SIPA1L1: variants seen among roughly 807,000 people sequenced by gnomAD.
SIPA1L1 encodes the protein signal-induced proliferation-associated 1-like protein 1.
A neutral mutation model predicts 162.7 loss-of-function variants in SIPA1L1; 26 were observed. The ratio of observed to expected loss-of-function variants is 0.16; its 90% CI spans 0.12 to 0.22. The LOEUF is 0.22. Ranked by LOEUF, SIPA1L1 falls within the 10% of genes least tolerant of loss-of-function variation. SIPA1L1 has a pLI of 1.00. For synonymous variants in SIPA1L1, 829 were observed against 837.4 expected, an observed-to-expected ratio of 0.99 and a Z score of 0.17; for missense variants, 1,874 against 2,241.0, an observed-to-expected ratio of 0.84 and a Z score of 3.31.
chr14:71,710,052 CAG>C (rs2082746956), intron 17 of SIPA1L1, among the ~76,000 whole-genome samples: 1 of 152,200 alleles, frequency 6.6e-6, no homozygotes, highest in African/African-American at 2.4e-5. Flanking sequence ...TGTTAAAAGA[CAG>C]AGGTCTTTTC....
chr14:71,692,519 G>T (rs1228800603), intron 13 of SIPA1L1, among the ~76,000 whole-genome samples: 1 of 152,246 alleles, frequency 6.6e-6, no homozygotes, highest in Non-Finnish European at 1.5e-5. Context: ...GCAGGAAACA[G>T]CGTACTCTGG....
At chr14:71,336,580 CCT>C (rs1375936027) in intron 2 of SIPA1L1, among the ~76,000 whole-genome samples, 1 of 152,134 alleles carries the variant, frequency 6.6e-6, no homozygotes, top group Non-Finnish European at 1.5e-5. Flanking sequence ...CCAAATATTC[CCT>C]GTCTGCTGAC....
chr14:71,508,220 T>A (rs977778238), intron 2 of SIPA1L1, among the ~76,000 whole-genome samples: 1 of 152,222 alleles, frequency 6.6e-6, no homozygotes, highest in Non-Finnish European at 1.5e-5. Flanking sequence ...ATTGAATTTC[T>A]GTAAAACACT....
At chr14:71,498,195 T>C (rs1595773754) in intron 2 of SIPA1L1, among the ~76,000 whole-genome samples, 1 of 152,234 alleles carries the variant, frequency 6.6e-6, no homozygotes, top group African/African-American at 2.4e-5. Flanking sequence ...AGAAATCTTA[T>C]TTTAGGTACA....
rs1453381808 is a variant in SIPA1L1 at position 71,571,606 on chromosome 14, A to G, written c.-302-15965A>G. 3.9e-5 allele frequency among the ~76,000 whole-genome samples: 6 copies of G among 152,130 alleles called. No homozygotes were observed. The East Asian group carries it at 1.2e-3, about 29-fold the overall frequency. On this transcript the variant is annotated intron_variant, in intron 4 of 23. Transcript: ENST00000381232. ...CTTAGTCCATTTTCTGTTGCTTACA[A>G]CAGAATACCTGAAACTGGATGGTTT...
At chr14:71,728,682 C>G (rs1291953857) in intron 19 of SIPA1L1, among the ~76,000 whole-genome samples, 2 of 152,238 alleles carry the variant, frequency 1.3e-5, no homozygotes, top group Non-Finnish European at 2.9e-5. Context: ...TCTGCCCCTT[C>G]AGAGTGTCAT....
intron 4 of SIPA1L1, among the ~76,000 whole-genome samples, chr14:71,556,159 G>T (rs749413918): frequency 1.3e-5 from 2 of 152,152 alleles, no homozygotes; most frequent in Non-Finnish European, 2.9e-5. Context: ...AATGAGGTGT[G>T]CCTGTATTGT....
chr14:71,724,600 T>A (rs2084053979), intron 18 of SIPA1L1, 70 bp from the exon 19 acceptor site: 1 of 1,258,000 alleles, frequency 7.9e-7, no homozygotes, highest in African/African-American at 1.5e-5. Flanking sequence ...TTACATCCTT[T>A]AGAGCCCATC....
Position 71,702,508 on chromosome 14 carries a change from A to G in SIPA1L1, c.3646+3A>G. 1.2e-6 allele frequency: 2 copies of G among 1,613,628 alleles called. No homozygotes were observed. The highest frequency in any genetic ancestry group is 1.1e-5 in the South Asian group (1 of 90,992). ...GGATAGCATTGCTGACCAGATGGGT[A>G]AGTAATCAATTTCTACAAGAAGAAA... On this transcript the variant is annotated splice_donor_region_variant and intron_variant, in intron 15 of 23. Transcript: ENST00000381232.
At chr14:71,416,000 A>G (rs555763128) in intron 2 of SIPA1L1, 2 of 152,186 alleles carry the variant, frequency 1.3e-5, no homozygotes, top group Non-Finnish European at 2.9e-5. Flanking sequence ...GCCCGGATGT[A>G]TTAATGGTAT....
chr14:71,529,199 G>T lies in SIPA1L1; in HGVS notation c.-361-113G>T, dbSNP rs1595919577. The T allele has an allele frequency of 6.3e-5, 26 of 414,760 alleles. No individual in the cohort carries two copies. The East Asian group carries it at 9.0e-4, about 14-fold the overall frequency. The allele number at this position is 414,760 out of a possible 1,614,324, so 25.7% of individuals were successfully genotyped here. A position where few individuals can be genotyped will look rare whatever the true frequency, so the allele number is the denominator to read the frequency against. On this transcript the variant is annotated intron_variant, in intron 3 of 23. Transcript: ENST00000381232. ...AAAAGCAACTATTTACCTTAGAAAG[G>T]CTGGTTTGCCTCTTCTAGAACAAAG...
At chr14:71,661,603 G>T in intron 10 of SIPA1L1, 136 bp downstream of exon 10, 1 of 888,142 alleles carries the variant, frequency 1.1e-6, no homozygotes, top group Non-Finnish European at 1.6e-6. Context: ...CATGCATGCG[G>T]ATGGCTGAAT....
chr14:71,495,607 C>T (rs2143019169), intron 2 of SIPA1L1, among the ~76,000 whole-genome samples: 1 of 151,410 alleles, frequency 6.6e-6, no homozygotes, highest in South Asian at 2.1e-4. Flanking sequence ...TTGACTTTTA[C>T]TGTTTTTCTG....
chr14:71,389,713 A>G (rs2040597333), intron 2 of SIPA1L1, among the ~76,000 whole-genome samples: 1 of 152,236 alleles, frequency 6.6e-6, no homozygotes, highest in African/African-American at 2.4e-5. Flanking sequence ...TTTTTAATTA[A>G]TTGGACTAAA....
intron 4 of SIPA1L1, among the ~76,000 whole-genome samples, chr14:71,544,444 A>G (rs1315534354): frequency 6.6e-6 from 1 of 151,938 alleles, no homozygotes; most frequent in East Asian, 1.9e-4. Context: ...TTTCTTAACG[A>G]TGTCTCTTGA....
chr14:71,592,880 A>G (rs1462002089), intron 5 of SIPA1L1, among the ~76,000 whole-genome samples: 1 of 152,212 alleles, frequency 6.6e-6, no homozygotes, highest in Non-Finnish European at 1.5e-5. Flanking sequence ...GCAACATGCC[A>G]TTGATGCTTT....
At chr14:71,573,746 T>A in intron 4 of SIPA1L1, 1 of 456,648 alleles carries the variant, frequency 2.2e-6, no homozygotes, top group Non-Finnish European at 4.4e-6. Context: ...ACAATATCCA[T>A]TATCTCTAGC....
At chr14:71,463,810 A>G (rs2046784729) in intron 2 of SIPA1L1, among the ~76,000 whole-genome samples, 1 of 152,202 alleles carries the variant, frequency 6.6e-6, no homozygotes, top group Non-Finnish European at 1.5e-5. Context: ...GCTTCCTATC[A>G]GTTTCACTTC....
At chr14:71,400,652 AATATGTATATATGTTAATATATAC>A (rs2041601875) in intron 2 of SIPA1L1, 1 of 151,340 alleles carries the variant, frequency 6.6e-6, no homozygotes, top group African/African-American at 2.4e-5. Context: ...TATATATGTT[AATATGTATATATGTTAATATATAC>A]ATATTAAACA....
Sources: allele counts gnomAD v4.1 joint callset (sites outside exome capture counted in the v4.1 genomes callset), GRCh38; gene constraint gnomAD v4.1.1; transcripts MANE v1.5; gene names NCBI Gene and HGNC (gene_info 2026-07-23, HGNC 2026-07-21).